Variants in TAFA5 observed in about 807,000 individuals in gnomAD.
The protein encoded by TAFA5 is chemokine-like protein TAFA-5.
A neutral mutation model predicts 15.3 loss-of-function variants in TAFA5; 6 were observed. The observed-to-expected ratio is 0.39, with a 90% CI of 0.21 to 0.77. The LOEUF (loss-of-function observed/expected upper bound fraction) is 0.77. Among genes scored for constraint, TAFA5 ranks in the 30% least tolerant of loss-of-function variants. TAFA5 has a pLI of 0.41. For missense variants in TAFA5, 161 were observed against 193.1 expected (o/e 0.83, Z 0.98); for synonymous variants, 103 against 80.7 (o/e 1.28, Z -1.48).
At chr22:48,499,343 G>C (rs1290295144) in intron 1 of TAFA5, among the ~76,000 whole-genome samples, 2 of 152,162 alleles carry the variant, frequency 1.3e-5, no homozygotes, top group African/African-American at 4.8e-5. Flanking sequence ...CTTTCCAGGA[G>C]GTGGCTGAGT....
In TAFA5 at chr22:48,679,329, G is replaced by A. The variant is rs111166645; in HGVS notation, c.263-28388G>A. 5.4e-4 allele frequency among the ~76,000 whole-genome samples: 13 copies of A among 23,898 alleles called. No homozygotes were observed. The East Asian group carries it at 0.013, about 23-fold the overall frequency. 15.7% of individuals were successfully genotyped at this position (23,898 alleles called of 152,430 possible). ...CGGGCTCCCCGTCCATCCCTCTCCC[G>A]GCTCCCCGTCCATCCCTCTCCGGGC... On this transcript the variant is annotated intron_variant, in intron 2 of 3. Coordinates refer to ENST00000402357, the MANE Select transcript of TAFA5 (RefSeq NM_001082967.3).
chr22:48,603,267 C>T (rs930586503), intron 1 of TAFA5, among the ~76,000 whole-genome samples: 5 of 152,222 alleles, frequency 3.3e-5, no homozygotes, highest in African/African-American at 9.6e-5. Context: ...CTTGAGTGCC[C>T]GGAGGCTGCT....
chr22:48,621,465 T>C (rs1925835590), intron 1 of TAFA5, among the ~76,000 whole-genome samples: 1 of 152,012 alleles, frequency 6.6e-6, no homozygotes, highest in Admixed American at 6.5e-5. Flanking sequence ...GCCCATCATG[T>C]AGGTGCTCAT....
At chr22:48,743,779 C>T (rs972691989) in intron 3 of TAFA5, among the ~76,000 whole-genome samples, 2 of 152,216 alleles carry the variant, frequency 1.3e-5, no homozygotes, top group South Asian at 2.1e-4. Flanking sequence ...TGCCTGCATT[C>T]GTCTTTGCCG....
rs1926873419 is a variant in TAFA5 at position 48,646,630 on chromosome 22, C to T, written c.146C>T (p.Thr49Ile). ...GCCGCCGGCACCTGTGAGATTGTGA[C>T]CTTGGACCGGGACAGCAGCCAGCCT... ...QLAAGTCEIVTLDRDSSQPRR... is the reference protein window; with the variant it reads ...QLAAGTCEIVILDRDSSQPRR... Residue 49 changes from threonine (T) to isoleucine (I), a missense_variant, in exon 2 of 4, where the codon ACC becomes ATC. Coordinates refer to ENST00000402357, the MANE Select transcript of TAFA5 (RefSeq NM_001082967.3). 1 of 1,612,472 alleles carries T rather than the reference C, an allele frequency of 6.2e-7. No individual in the cohort carries two copies. The highest frequency in any genetic ancestry group is 1.1e-5 in the South Asian group (1 of 91,066).
At chr22:48,553,858 G>A (rs926808684) in intron 1 of TAFA5, among the ~76,000 whole-genome samples, 4 of 152,186 alleles carry the variant, frequency 2.6e-5, no homozygotes, top group Non-Finnish European at 5.9e-5. Flanking sequence ...GAACTTGACA[G>A]TGGAGGCTGT....
chr22:48,646,789 G>A (rs1237421226), intron 2 of TAFA5, 43 bp downstream of exon 2: 3 of 1,527,862 alleles, frequency 2.0e-6, no homozygotes, highest in Non-Finnish European at 8.8e-7. Context: ...TGCTGAGCGC[G>A]GCGTCACCAA....
At chr22:48,499,008 C>T (rs546306293) in intron 1 of TAFA5, among the ~76,000 whole-genome samples, 87 of 152,314 alleles carry the variant, frequency 5.7e-4, no homozygotes, top group African/African-American at 2.1e-3. Flanking sequence ...TGTCCCTTGC[C>T]TCCCGTGACT....
At chr22:48,605,619 G>A (rs1925166140) in intron 1 of TAFA5, among the ~76,000 whole-genome samples, 1 of 152,122 alleles carries the variant, frequency 6.6e-6, no homozygotes, top group African/African-American at 2.4e-5. Flanking sequence ...TTTTACCTGC[G>A]AGATATCTGA....
At chr22:48,699,098 A>T (rs1352710712) in intron 2 of TAFA5, among the ~76,000 whole-genome samples, 1 of 151,832 alleles carries the variant, frequency 6.6e-6, no homozygotes, top group Non-Finnish European at 1.5e-5. Flanking sequence ...ATGCCCAGCT[A>T]ATTTTTGTAT....
intron 3 of TAFA5, among the ~76,000 whole-genome samples, chr22:48,725,344 C>T (rs1017079150): frequency 3.9e-5 from 6 of 151,940 alleles, no homozygotes; most frequent in Admixed American, 2.6e-4. Flanking sequence ...AGTATGAGCC[C>T]GTAAAAAAGT....
chr22:48,749,729 C>G lies in TAFA5; in HGVS notation c.391-110C>G, dbSNP rs12169195. On this transcript the variant is annotated intron_variant, in intron 3 of 3. Transcript: ENST00000402357. The stretch of plus-strand genomic sequence containing the variant: ...GAGGATGAGCTCTTCGTTTCAGGCC[C>G]TCCAGGAGGCCGGCTGGCAGGAGCC... The G allele has an allele frequency of 5.6e-3, 7,333 of 1,302,516 alleles. 285 individuals carry two copies. In the African/African-American group the frequency reaches 0.085, roughly 15 times the overall value. The allele number at this position is 1,302,516 out of a possible 1,614,324, so 80.7% of individuals were successfully genotyped here. A position where few individuals can be genotyped will look rare whatever the true frequency, so the allele number is the denominator to read the frequency against.
At chr22:48,565,980 A>T (rs1221123949) in intron 1 of TAFA5, among the ~76,000 whole-genome samples, 1 of 151,352 alleles carries the variant, frequency 6.6e-6, no homozygotes, top group African/African-American at 2.4e-5. Context: ...GGGTGGATGG[A>T]TGGATGGACA....
At chr22:48,617,379 G>C (rs1307177723) in intron 1 of TAFA5, among the ~76,000 whole-genome samples, 1 of 152,202 alleles carries the variant, frequency 6.6e-6, no homozygotes, top group Non-Finnish European at 1.5e-5. Flanking sequence ...GTGACACCTT[G>C]ACTTTAGCCA....
chr22:48,622,229 C>A (rs561342521), intron 1 of TAFA5, among the ~76,000 whole-genome samples: 3 of 152,240 alleles, frequency 2.0e-5, no homozygotes, highest in African/African-American at 7.2e-5. Flanking sequence ...ATTGCTCTAT[C>A]CCCAAAATAT....
intron 2 of TAFA5, among the ~76,000 whole-genome samples, chr22:48,656,689 C>CA (rs1416468633): frequency 7.2e-6 from 1 of 139,370 alleles, no homozygotes. Context: ...TGAAAATTAC[C>CA]AAAAGTTCTT....
At chr22:48,696,797 A>G (rs1329088540) in intron 2 of TAFA5, among the ~76,000 whole-genome samples, 1 of 152,242 alleles carries the variant, frequency 6.6e-6, no homozygotes, top group African/African-American at 2.4e-5. Context: ...CCTGTGCTAC[A>G]TGAGACGCAG....
At chr22:48,669,665 C>A (rs1348357053) in intron 2 of TAFA5, among the ~76,000 whole-genome samples, 1 of 152,186 alleles carries the variant, frequency 6.6e-6, no homozygotes, top group East Asian at 1.9e-4. Flanking sequence ...CCTCCCTGAG[C>A]CAGGGGGTCT....
At chr22:48,507,546 C>G (rs1921043662) in intron 1 of TAFA5, among the ~76,000 whole-genome samples, 1 of 152,204 alleles carries the variant, frequency 6.6e-6, no homozygotes, top group Non-Finnish European at 1.5e-5. Flanking sequence ...TTTGCCAGCC[C>G]CTTTTGCCCA....
Sources: gnomAD v4.1 joint callset for allele counts (sites outside exome capture counted in the v4.1 genomes callset) on GRCh38, gnomAD v4.1.1 for gene constraint, MANE v1.5 for transcripts, NCBI Gene and HGNC (gene_info 2026-07-23, HGNC 2026-07-21) for gene names.